The following NALCN variants were observed in gnomAD, a reference collection of about 807,000 sequenced individuals.
The protein encoded by NALCN is sodium leak channel NALCN.
Under a neutral mutation model 225.3 loss-of-function variants are expected in NALCN, and 111 were observed. That is an observed-to-expected ratio of 0.49 (90% confidence interval 0.42 to 0.58). NALCN has a LOEUF of 0.58. NALCN is among the 20% of genes least tolerant of loss of function. The pLI is 0.00. For missense variants in NALCN, 1,378 were observed against 2,202.4 expected, an observed-to-expected ratio of 0.63 and a Z score of 7.49; for synonymous variants, 764 against 769.0, an observed-to-expected ratio of 0.99 and a Z score of 0.11.
intron 17 of NALCN, among the ~76,000 whole-genome samples, chr13:101,134,194 A>AG (rs1220727320): frequency 6.6e-6 from 1 of 152,146 alleles, no homozygotes; most frequent in East Asian, 1.9e-4. Context: ...ACAAAAAAAA[A>AG]GATTTCCTAT....
chr13:101,241,052 G>A (rs919348611), intron 11 of NALCN, among the ~76,000 whole-genome samples: 4 of 152,124 alleles, frequency 2.6e-5, no homozygotes, highest in African/African-American at 9.7e-5. Flanking sequence ...GAAAATTTCT[G>A]AAATAAAATA....
intron 3 of NALCN, among the ~76,000 whole-genome samples, chr13:101,381,961 T>A (rs533980878): frequency 6.6e-6 from 1 of 152,238 alleles, no homozygotes; most frequent in Admixed American, 6.5e-5. Context: ...TGAAATTTTA[T>A]GGGACTCAGC....
chr13:101,409,185 A>C (rs1017697486), intron 1 of NALCN, among the ~76,000 whole-genome samples: 1 of 152,130 alleles, frequency 6.6e-6, no homozygotes, highest in African/African-American at 2.4e-5. Flanking sequence ...GCACGCCCAA[A>C]CTAAAACTGT....
At chr13:101,105,906 G>C (rs977886212) in intron 22 of NALCN, among the ~76,000 whole-genome samples, 1 of 152,172 alleles carries the variant, frequency 6.6e-6, no homozygotes, top group Non-Finnish European at 1.5e-5. Flanking sequence ...AGTGGTCCCT[G>C]AGGTCTCTTC....
chr13:101,397,113 TAC>T (rs1436305962), intron 2 of NALCN, among the ~76,000 whole-genome samples: 3,518 of 112,672 alleles, frequency 0.031, 162 homozygotes, highest in East Asian at 0.065. Context: ...TATATATACA[TAC>T]ACATACATAT....
At chr13:101,322,562 A>G (rs569362326) in intron 7 of NALCN, among the ~76,000 whole-genome samples, 1 of 152,352 alleles carries the variant, frequency 6.6e-6, no homozygotes, top group Admixed American at 6.5e-5. Flanking sequence ...TTTGAAGTCT[A>G]ATATCGTAGC....
chr13:101,203,700 G>A (rs1324340466), intron 13 of NALCN, among the ~76,000 whole-genome samples: 2 of 152,054 alleles, frequency 1.3e-5, no homozygotes, highest in South Asian at 2.1e-4. Flanking sequence ...TGAAGTACAC[G>A]ATACATATCT....
At chr13:101,378,437 A>G in intron 4 of NALCN, 133 bp downstream of exon 4, 1 of 602,280 alleles carries the variant, frequency 1.7e-6, no homozygotes, top group Non-Finnish European at 2.6e-6. Context: ...AAATAAAAAT[A>G]AAATAAAATG....
At chr13:101,223,556 C>CA (rs1308095734) in intron 13 of NALCN, among the ~76,000 whole-genome samples, 1 of 152,090 alleles carries the variant, frequency 6.6e-6, no homozygotes, top group African/African-American at 2.4e-5. Context: ...TCAGATTACT[C>CA]AAACACTTTC....
At chr13:101,397,107 T>TATAC (rs1555346487) in intron 2 of NALCN, among the ~76,000 whole-genome samples, 15 of 83,370 alleles carry the variant, frequency 1.8e-4, no homozygotes, top group South Asian at 8.1e-4. Context: ...TATATATATA[T>TATAC]ATACATACAC....
chr13:101,184,526 TA>T (rs1206308316), intron 14 of NALCN, among the ~76,000 whole-genome samples: 5 of 152,346 alleles, frequency 3.3e-5, no homozygotes, highest in Admixed American at 3.3e-4. Flanking sequence ...CAGATATATT[TA>T]TTTTTTTTCT....
At chr13:101,347,471 C>G (rs2045777585) in intron 6 of NALCN, among the ~76,000 whole-genome samples, 1 of 152,112 alleles carries the variant, frequency 6.6e-6, no homozygotes, top group Non-Finnish European at 1.5e-5. Context: ...GTATATCTCC[C>G]CATTTCTCAT....
chr13:101,056,246 CTTTTTT>C (rs34583741), intron 43 of NALCN, among the ~76,000 whole-genome samples: 7 of 45,850 alleles, frequency 1.5e-4, no homozygotes, highest in East Asian at 7.2e-4. Flanking sequence ...AGTGGAAGTA[CTTTTTT>C]TTTTTTTTTT....
At chr13:101,400,383 C>CA (rs548582417) in intron 1 of NALCN, among the ~76,000 whole-genome samples, 23 of 151,222 alleles carry the variant, frequency 1.5e-4, no homozygotes, top group African/African-American at 2.2e-4. Context: ...GCGCTTCAGG[C>CA]AAAAAAAAGA....
chr13:101,246,274 T>C (rs2140178090), intron 11 of NALCN, among the ~76,000 whole-genome samples: 1 of 152,272 alleles, frequency 6.6e-6, no homozygotes, highest in East Asian at 1.9e-4. Flanking sequence ...TGGAAAGATA[T>C]TTGAAATGTG....
At chr13:101,370,064 A>G (rs2046494055) in intron 6 of NALCN, among the ~76,000 whole-genome samples, 1 of 152,204 alleles carries the variant, frequency 6.6e-6, no homozygotes, top group Non-Finnish European at 1.5e-5. Context: ...TAAATAGAAT[A>G]TGTTCTCAAC....
chr13:101,324,217 G>A (rs937438056), intron 7 of NALCN, among the ~76,000 whole-genome samples: 2 of 152,138 alleles, frequency 1.3e-5, no homozygotes, highest in Non-Finnish European at 2.9e-5. Context: ...CAACTGGCTT[G>A]TAGAAGAGTA....
At position 101,339,193 on chromosome 13, in the gene NALCN, G is replaced by A. The variant is rs572030618; in HGVS notation, c.799+6073C>T. Reference sequence around the variant, plus strand: ...AGTTGCTGTGATTTTGTGTCACTTCGACAGTGTGGCTTTTAGGATGTTGTC... The same window carrying A: ...AGTTGCTGTGATTTTGTGTCACTTCAACAGTGTGGCTTTTAGGATGTTGTC... On this transcript the variant is annotated intron_variant, in intron 7 of 43. Coordinates refer to ENST00000251127, the MANE Select transcript of NALCN (RefSeq NM_052867.4). 5.9e-5 allele frequency among the ~76,000 whole-genome samples: 9 copies of A among 152,280 alleles called. No individual in the cohort carries two copies. In the South Asian group the frequency reaches 1.2e-3, roughly 21 times the overall value.
At position 101,089,588 on chromosome 13, in the gene NALCN, G is replaced by T; in HGVS notation, c.3489+75C>A. 2 of 1,381,386 alleles carry T rather than the reference G, an allele frequency of 1.4e-6. No homozygotes were observed. Among genetic ancestry groups the T allele is most frequent in the Non-Finnish European group, 2.0e-6 (2 of 983,022 alleles). 85.6% of individuals were successfully genotyped at this position (1,381,386 alleles called of 1,614,324 possible). Reference sequence around the variant, plus strand: ...TTTAAAGCGGCTTCACGCCGCGTGTGAAAAGAAACAAATAGCTCAAAGTGA... The same window carrying T: ...TTTAAAGCGGCTTCACGCCGCGTGTTAAAAGAAACAAATAGCTCAAAGTGA... On this transcript the variant is annotated intron_variant, in intron 30 of 43. Coordinates refer to ENST00000251127, the MANE Select transcript of NALCN (RefSeq NM_052867.4). This position sits in a 1 kb window ranked among gnomAD's most constrained non-coding sequence, Gnocchi z 4.7.
Sources: gnomAD v4.1 joint callset for allele counts (sites outside exome capture counted in the v4.1 genomes callset) on GRCh38, gnomAD v4.1.1 for gene constraint, Gnocchi (gnomAD v3.1) non-coding constraint, MANE v1.5 for transcripts, NCBI Gene and HGNC (gene_info 2026-07-23, HGNC 2026-07-21) for gene names.